TMEM132D: variants seen among roughly 807,000 people sequenced by gnomAD.
The protein encoded by TMEM132D is mature OL transmembrane protein.
A neutral mutation model predicts 62.3 loss-of-function variants in TMEM132D; 21 were observed. The ratio of observed to expected loss-of-function variants is 0.34; its 90% CI spans 0.24 to 0.49. The LOEUF (loss-of-function observed/expected upper bound fraction) is 0.49. Ranked by LOEUF, TMEM132D falls within the 20% of genes least tolerant of loss-of-function variation. The probability of loss-of-function intolerance (pLI) is 0.99; values close to 1 mark genes in which losing one functional copy is unlikely to be tolerated. For missense variants in TMEM132D, 1,346 were observed against 1,402.8 expected (o/e 0.96, Z 0.65); for synonymous variants, 621 against 575.6 (o/e 1.08, Z -1.13).
At chr12:129,299,627 G>GCT (rs1881660330) in intron 4 of TMEM132D, among the ~76,000 whole-genome samples, 1 of 99,072 alleles carries the variant, frequency 1.0e-5, no homozygotes, top group African/African-American at 4.8e-5. Flanking sequence ...TGAACAATCA[G>GCT]GTTTTTTTTT....
At chr12:129,615,672 C>T (rs979590866) in intron 2 of TMEM132D, among the ~76,000 whole-genome samples, 1 of 150,938 alleles carries the variant, frequency 6.6e-6, no homozygotes, top group African/African-American at 2.4e-5. Flanking sequence ...CTTGGGAGGC[C>T]AGGGTGGGAG....
rs536377997 is a variant in TMEM132D at position 129,419,922 on chromosome 12, A to G, written c.1116-82105T>C. 4.2e-4 allele frequency among the ~76,000 whole-genome samples: 64 copies of G among 152,200 alleles called. No individual in the cohort carries two copies. The South Asian group carries it at 0.013, about 31-fold the overall frequency. The stretch of plus-strand genomic sequence containing the variant: ...GGGGTGGGTCACTTGAGGCTAATTT[A>G]TTTTCTAGGGAAGTTTTTAAAATAT... On this transcript the variant is annotated intron_variant, in intron 3 of 8. Coordinates refer to ENST00000422113, the MANE Select transcript of TMEM132D (RefSeq NM_133448.3).
intron 1 of TMEM132D, among the ~76,000 whole-genome samples, chr12:129,896,747 G>T (rs911408132): frequency 6.6e-6 from 1 of 152,022 alleles, no homozygotes; most frequent in African/African-American, 2.4e-5. Flanking sequence ...CCTAAGAGTG[G>T]AACCTCTTGT....
intron 1 of TMEM132D, among the ~76,000 whole-genome samples, chr12:129,752,234 T>A (rs912564080): frequency 5.9e-5 from 9 of 151,940 alleles, no homozygotes; most frequent in Admixed American, 5.9e-4. Flanking sequence ...CACACACACA[T>A]GCGCACACAC....
chr12:129,778,811 A>G (rs1871029218), intron 1 of TMEM132D, among the ~76,000 whole-genome samples: 1 of 152,050 alleles, frequency 6.6e-6, no homozygotes, highest in Non-Finnish European at 1.5e-5. Context: ...CTGTCTTGGG[A>G]GGGAGGTATT....
At chr12:129,588,959 A>C (rs985110950) in intron 2 of TMEM132D, among the ~76,000 whole-genome samples, 1 of 152,084 alleles carries the variant, frequency 6.6e-6, no homozygotes, top group Non-Finnish European at 1.5e-5. Context: ...TGTGATACAC[A>C]ATCTGGGGTT....
In TMEM132D at chr12:129,173,099, C is replaced by T. The variant is rs1332557307; in HGVS notation, c.1443+36421G>A. On this transcript the variant is annotated intron_variant, in intron 5 of 8. Transcript: ENST00000422113. ...AACAGGTATAATAAAAAAGAAAAAG[C>T]TTGATATATTGTGAGAGTTGACCAA... is the stretch of plus-strand genomic sequence containing the variant. 2.0e-5 allele frequency among the ~76,000 whole-genome samples: 3 copies of T among 152,210 alleles called. No individual in the cohort carries two copies. In the East Asian group the frequency reaches 5.8e-4, roughly 29 times the overall value.
intron 3 of TMEM132D, among the ~76,000 whole-genome samples, chr12:129,508,756 T>A (rs536512641): frequency 6.6e-6 from 1 of 151,770 alleles, no homozygotes; most frequent in Non-Finnish European, 1.5e-5. Flanking sequence ...AAAAAATCAA[T>A]GAGTAATCAC....
chr12:129,339,656 A>G (rs963840792), intron 3 of TMEM132D, among the ~76,000 whole-genome samples: 7 of 152,068 alleles, frequency 4.6e-5, no homozygotes, highest in African/African-American at 1.7e-4. Context: ...AGCTAGAGAG[A>G]ACTTGGAATT....
chr12:129,861,936 A>T (rs1593190540), intron 1 of TMEM132D, among the ~76,000 whole-genome samples: 1 of 151,992 alleles, frequency 6.6e-6, no homozygotes, highest in Non-Finnish European at 1.5e-5. Context: ...AAGACTCTTG[A>T]CTTAACTGCT....
At chr12:129,893,896 A>G (rs1378941127) in intron 1 of TMEM132D, among the ~76,000 whole-genome samples, 1 of 152,012 alleles carries the variant, frequency 6.6e-6, no homozygotes, top group Non-Finnish European at 1.5e-5. Flanking sequence ...ACACCTTCCC[A>G]TCCCTCAGTG....
chr12:129,382,934 G>C (rs1870995928), intron 3 of TMEM132D, among the ~76,000 whole-genome samples: 1 of 152,062 alleles, frequency 6.6e-6, no homozygotes, highest in South Asian at 2.1e-4. Flanking sequence ...GTTTTCTGTT[G>C]GTCTGGGCTT....
intron 1 of TMEM132D, among the ~76,000 whole-genome samples, chr12:129,796,752 G>T (rs183934758): frequency 6.1e-4 from 93 of 152,218 alleles, no homozygotes; most frequent in Non-Finnish European, 1.0e-3. Flanking sequence ...AAGGGGAGGG[G>T]TAGCATTAGG....
At chr12:129,261,892 A>T (rs1880559144) in intron 4 of TMEM132D, among the ~76,000 whole-genome samples, 1 of 152,198 alleles carries the variant, frequency 6.6e-6, no homozygotes, top group East Asian at 1.9e-4. Context: ...ATTTTAACAT[A>T]ATGAATTTGG....
At chr12:129,547,817 T>G (rs1876779082) in intron 2 of TMEM132D, among the ~76,000 whole-genome samples, 1 of 152,104 alleles carries the variant, frequency 6.6e-6, no homozygotes, top group Admixed American at 6.5e-5. Context: ...TGAAAAGAAG[T>G]TTTACCCCAT....
intron 5 of TMEM132D, among the ~76,000 whole-genome samples, chr12:129,201,107 GC>G (rs1314937232): frequency 6.6e-6 from 1 of 152,188 alleles, no homozygotes; most frequent in African/African-American, 2.4e-5. Flanking sequence ...ATCAGGTAGG[GC>G]TACAGCCCCC....
At chr12:129,298,594 C>T (rs1323611764) in intron 4 of TMEM132D, among the ~76,000 whole-genome samples, 1 of 152,176 alleles carries the variant, frequency 6.6e-6, no homozygotes, top group African/African-American at 2.4e-5. Flanking sequence ...ACCCATTAAC[C>T]AGCCTCTCCC....
intron 3 of TMEM132D, among the ~76,000 whole-genome samples, chr12:129,387,573 CACTAAT>C (rs1458198319): frequency 6.6e-6 from 1 of 152,080 alleles, no homozygotes; most frequent in South Asian, 2.1e-4. Flanking sequence ...CCAACACTAA[CACTAAT>C]ACTAACATCC....
chr12:129,710,289 TTTA>T lies in TMEM132D; in HGVS notation c.80-9594_80-9592del, dbSNP rs1881609146. 6.6e-5 allele frequency among the ~76,000 whole-genome samples: 9 copies of T among 135,472 alleles called. No homozygotes were observed. In the Admixed American group the frequency reaches 7.0e-4, roughly 11 times the overall value. The allele number at this position is 135,472 out of a possible 152,430, so 88.9% of individuals were successfully genotyped here. On this transcript the variant is annotated intron_variant, in intron 1 of 8. Transcript: ENST00000422113. ...CGCTAATGGTCATTATTAATTTTTA[TTTA>T]TTTATTTATTTATTTATTTTTGAGA...
Sources: allele counts gnomAD v4.1 joint callset (sites outside exome capture counted in the v4.1 genomes callset), GRCh38; gene constraint gnomAD v4.1.1; transcripts MANE v1.5; gene names NCBI Gene and HGNC (gene_info 2026-07-23, HGNC 2026-07-21).